Variants in MEI4 observed in about 807,000 individuals in gnomAD.
MEI4 encodes meiotic double-stranded break formation protein 4, also known as meiosis-specific protein MEI4.
Under a neutral mutation model 31.4 loss-of-function variants are expected in MEI4, and 27 were observed. The observed-to-expected ratio is 0.86, with a 90% CI of 0.63 to 1.19. The LOEUF (loss-of-function observed/expected upper bound fraction) is 1.19, where lower values mean the gene tolerates loss of function less well. Among genes scored for constraint, MEI4 ranks in the 50% most tolerant of loss-of-function variants. The probability of loss-of-function intolerance (pLI) is 0.00; values close to 1 mark genes in which losing one functional copy is unlikely to be tolerated. For synonymous variants in MEI4, 122 were observed against 145.4 expected, an observed-to-expected ratio of 0.84 and a Z score of 1.16; for missense variants, 329 against 398.9, an observed-to-expected ratio of 0.82 and a Z score of 1.49.
intron 4 of MEI4, among the ~76,000 whole-genome samples, chr6:77,910,024 C>G (rs550987980): frequency 6.6e-6 from 1 of 152,212 alleles, no homozygotes; most frequent in South Asian, 2.1e-4. Context: ...ATGCTAAAAA[C>G]TCTGAATAAA....
At chr6:77,835,401 CACAAATA>C (rs1770192574) in intron 4 of MEI4, among the ~76,000 whole-genome samples, 1 of 75,974 alleles carries the variant, frequency 1.3e-5, no homozygotes, top group African/African-American at 6.2e-5. Context: ...CACACACACA[CACAAATA>C]AAAAAAAAAA....
At chr6:77,799,708 A>C (rs1294697630) in intron 3 of MEI4, among the ~76,000 whole-genome samples, 2 of 152,174 alleles carry the variant, frequency 1.3e-5, no homozygotes, top group Non-Finnish European at 2.9e-5. Context: ...AGCTATCTAC[A>C]TATGGCTAGC....
intron 4 of MEI4, among the ~76,000 whole-genome samples, chr6:77,905,798 CTT>C (rs1385534021): frequency 1.4e-5 from 2 of 139,754 alleles, no homozygotes; most frequent in Admixed American, 7.2e-5. Flanking sequence ...GCCGGGCCAG[CTT>C]TTTTTTTTTT....
chr6:77,685,903 C>A (rs139561088), intron 1 of MEI4, among the ~76,000 whole-genome samples: 1 of 152,174 alleles, frequency 6.6e-6, no homozygotes, highest in East Asian at 1.9e-4. Flanking sequence ...ATATTTGTCC[C>A]CTCCAAATCT....
intron 4 of MEI4, among the ~76,000 whole-genome samples, chr6:77,921,842 T>TA (rs1411147670): frequency 2.6e-5 from 4 of 151,814 alleles, no homozygotes; most frequent in Non-Finnish European, 4.4e-5. Flanking sequence ...CACCATCTGA[T>TA]ATGGGCATGG....
chr6:77,656,739 TTTACTC>T (rs1389201612), intron 1 of MEI4, among the ~76,000 whole-genome samples: 1 of 152,156 alleles, frequency 6.6e-6, no homozygotes, highest in Admixed American at 6.6e-5. Flanking sequence ...CTCTAAATAA[TTTACTC>T]TTAATAATCC....
At chr6:77,846,318 G>GT (rs1010824549) in intron 4 of MEI4, among the ~76,000 whole-genome samples, 9 of 151,786 alleles carry the variant, frequency 5.9e-5, no homozygotes, top group East Asian at 1.9e-4. Flanking sequence ...CCTTATATAT[G>GT]TTTTTTTGTC....
intron 2 of MEI4, chr6:77,716,822 G>A: frequency 1.0e-6 from 1 of 962,290 alleles, no homozygotes; most frequent in Non-Finnish European, 1.2e-6. Context: ...GTTGAACAAG[G>A]AGAATATTTT....
chr6:77,688,747 C>T (rs1769104573), intron 1 of MEI4, among the ~76,000 whole-genome samples: 1 of 152,006 alleles, frequency 6.6e-6, no homozygotes, highest in Non-Finnish European at 1.5e-5. Context: ...TGAATAGGCA[C>T]CTTTTAAAAA....
chr6:77,918,706 A>G (rs915911510), intron 4 of MEI4, among the ~76,000 whole-genome samples: 10 of 152,020 alleles, frequency 6.6e-5, no homozygotes, highest in African/African-American at 1.9e-4. Context: ...CAATCATGTC[A>G]TCTGCAAACA....
chr6:77,739,314 T>C (rs1767336274), intron 2 of MEI4, among the ~76,000 whole-genome samples: 1 of 152,162 alleles, frequency 6.6e-6, no homozygotes, highest in African/African-American at 2.4e-5. Flanking sequence ...TAATCAGTTT[T>C]CCCAGCACTA....
chr6:77,778,726 TAA>T (rs1768522379), intron 3 of MEI4, among the ~76,000 whole-genome samples: 1 of 150,782 alleles, frequency 6.6e-6, no homozygotes, highest in African/African-American at 2.4e-5. Context: ...AATAAATAAA[TAA>T]ATAAATAAAT....
intron 4 of MEI4, among the ~76,000 whole-genome samples, chr6:77,886,958 G>A (rs1771634637): frequency 6.6e-6 from 1 of 151,642 alleles, no homozygotes; most frequent in African/African-American, 2.4e-5. Context: ...ATTTCATTTA[G>A]TTCTGCTCTA....
intron 2 of MEI4, among the ~76,000 whole-genome samples, chr6:77,701,413 T>A (rs1165481369): frequency 1.3e-5 from 2 of 152,028 alleles, no homozygotes; most frequent in East Asian, 3.9e-4. Context: ...AGGATTAAAA[T>A]TTGAGTGTGT....
chr6:77,651,999 T>A (rs895919627), upstream of MEI4, among the ~76,000 whole-genome samples: 1 of 152,198 alleles, frequency 6.6e-6, no homozygotes, highest in Non-Finnish European at 1.5e-5. Flanking sequence ...GTGGTGAAGA[T>A]CAAAGAGAAT....
At chr6:77,887,593 G>A (rs908966521) in intron 4 of MEI4, among the ~76,000 whole-genome samples, 6 of 151,998 alleles carry the variant, frequency 3.9e-5, no homozygotes, top group East Asian at 1.9e-4. Context: ...CACCGCACCC[G>A]GCCTCTTAAT....
chr6:77,704,842 A>G (rs1766297511), intron 2 of MEI4, among the ~76,000 whole-genome samples: 1 of 152,186 alleles, frequency 6.6e-6, no homozygotes, highest in Non-Finnish European at 1.5e-5. Context: ...ATCCAAGTGC[A>G]GTAAATTAAG....
intron 2 of MEI4, among the ~76,000 whole-genome samples, chr6:77,737,214 A>C (rs1359273471): frequency 6.6e-6 from 1 of 152,210 alleles, no homozygotes. Flanking sequence ...ACTTTCCATA[A>C]GTTATTTATT....
chr6:77,737,842 G>A (rs1767292732), intron 2 of MEI4, among the ~76,000 whole-genome samples: 1 of 152,140 alleles, frequency 6.6e-6, no homozygotes, highest in African/African-American at 2.4e-5. Context: ...GAGACTGGAG[G>A]GTAGTAGCAG....
Sources: gnomAD v4.1 joint callset for allele counts (sites outside exome capture counted in the v4.1 genomes callset) on GRCh38, gnomAD v4.1.1 for gene constraint, MANE v1.5 for transcripts, NCBI Gene and HGNC (gene_info 2026-07-23, HGNC 2026-07-21) for gene names.